COL21A1: variants seen among roughly 807,000 people sequenced by gnomAD.
The protein encoded by COL21A1 is collagen type XXI alpha 1 chain.
COL21A1 carries 149 observed loss-of-function variants against 137.9 expected under a neutral mutation model. The ratio of observed to expected loss-of-function variants is 1.08; its 90% CI spans 0.95 to 1.24. The LOEUF (loss-of-function observed/expected upper bound fraction) is 1.24, where lower values mean the gene tolerates loss of function less well. Ranked by LOEUF, COL21A1 falls within the 50% of genes most tolerant of loss-of-function variation. The pLI is 0.00. For synonymous variants in COL21A1, 456 were observed against 391.5 expected (o/e 1.16, Z -1.95); for missense variants, 1,167 against 1,158.4 (o/e 1.01, Z -0.11).
At chr6:56,164,863 T>C (rs746297431) in intron 7 of COL21A1, 41 bp from the exon 8 acceptor site, 9 of 1,355,242 alleles carry the variant, frequency 6.6e-6, no homozygotes, top group Admixed American at 2.2e-5. Context: ...ATGTTTTAAA[T>C]AAAATTTATA....
chr6:56,134,245 A>G (rs546688444), intron 12 of COL21A1, among the ~76,000 whole-genome samples: 37 of 152,290 alleles, frequency 2.4e-4, no homozygotes, highest in African/African-American at 8.7e-4. Context: ...ACCTGGATGT[A>G]AGACATGGAG....
chr6:56,149,263 G>A (rs569107748), intron 10 of COL21A1, among the ~76,000 whole-genome samples: 3 of 152,162 alleles, frequency 2.0e-5, no homozygotes, highest in East Asian at 3.9e-4. Flanking sequence ...TAACATACAC[G>A]AGTAGCTAAT....
intron 1 of COL21A1, among the ~76,000 whole-genome samples, chr6:56,279,981 T>C (rs1763754492): frequency 6.6e-6 from 1 of 152,124 alleles, no homozygotes; most frequent in Non-Finnish European, 1.5e-5. Context: ...TTTACCCTCC[T>C]CTTCCTCACT....
intron 12 of COL21A1, among the ~76,000 whole-genome samples, chr6:56,127,196 T>C (rs2840989): frequency 0.77 from 117,354 of 152,108 alleles, 46,242 homozygotes; most frequent in African/African-American, 0.93. Flanking sequence ...ATCCCCTTAA[T>C]CCTCAATTAC....
At chr6:56,202,103 A>T (rs1779447669) in intron 1 of COL21A1, among the ~76,000 whole-genome samples, 1 of 152,130 alleles carries the variant, frequency 6.6e-6, no homozygotes. Flanking sequence ...CAGATGAAAG[A>T]TTAAACTATC....
intron 16 of COL21A1, among the ~76,000 whole-genome samples, chr6:56,116,592 T>C (rs1771952253): frequency 6.6e-6 from 1 of 151,818 alleles, no homozygotes; most frequent in African/African-American, 2.4e-5. Context: ...TAATGAGCTA[T>C]AAATAATCAC....
intron 1 of COL21A1, among the ~76,000 whole-genome samples, chr6:56,383,601 G>A (rs1363953252): frequency 6.6e-6 from 1 of 152,298 alleles, no homozygotes; most frequent in East Asian, 1.9e-4. Context: ...GATAAGGAAA[G>A]AAAAGGCCTG....
intron 12 of COL21A1, among the ~76,000 whole-genome samples, chr6:56,130,334 G>A (rs966036661): frequency 6.6e-6 from 1 of 151,084 alleles, no homozygotes; most frequent in Non-Finnish European, 1.5e-5. Flanking sequence ...TTCTGAGAGA[G>A]AGAAAGAGGA....
intron 18 of COL21A1, among the ~76,000 whole-genome samples, chr6:56,075,936 C>T (rs574098785): frequency 2.0e-5 from 3 of 151,526 alleles, no homozygotes; most frequent in South Asian, 2.1e-4. Flanking sequence ...TCCAGGGATG[C>T]GGCTGACTAG....
intron 1 of COL21A1, among the ~76,000 whole-genome samples, chr6:56,346,437 C>T (rs12110836): frequency 0.12 from 18,730 of 152,180 alleles, 1,481 homozygotes; most frequent in African/African-American, 0.23. Flanking sequence ...TTTTTTACTA[C>T]TGAATATCAT....
At chr6:56,213,770 T>C (rs1475644201) in intron 1 of COL21A1, among the ~76,000 whole-genome samples, 1 of 152,064 alleles carries the variant, frequency 6.6e-6, no homozygotes, top group Non-Finnish European at 1.5e-5. Flanking sequence ...AGATCCATCA[T>C]TTATTCAATA....
intron 12 of COL21A1, among the ~76,000 whole-genome samples, chr6:56,133,270 TG>T (rs997799723): frequency 6.6e-6 from 1 of 152,178 alleles, no homozygotes; most frequent in African/African-American, 2.4e-5. Context: ...AGAAACTTGT[TG>T]GGAACTGGAG....
intron 1 of COL21A1, among the ~76,000 whole-genome samples, chr6:56,253,281 T>C (rs1782897118): frequency 6.6e-6 from 1 of 152,178 alleles, no homozygotes; most frequent in African/African-American, 2.4e-5. Context: ...TAGTAGTCCT[T>C]GATTTTGGTT....
intron 3 of COL21A1, among the ~76,000 whole-genome samples, chr6:56,172,127 C>A (rs1777116767): frequency 6.7e-6 from 1 of 150,120 alleles, no homozygotes; most frequent in African/African-American, 2.4e-5. Flanking sequence ...AGAGATGAGG[C>A]CAACAACTTC....
At chr6:56,361,008 C>A (rs540709532) in intron 1 of COL21A1, among the ~76,000 whole-genome samples, 1 of 152,104 alleles carries the variant, frequency 6.6e-6, no homozygotes, top group East Asian at 1.9e-4. Context: ...GGCTGAGAAT[C>A]GCTCAAACCT....
At chr6:56,209,797 A>T (rs1780040060) in intron 1 of COL21A1, among the ~76,000 whole-genome samples, 1 of 152,188 alleles carries the variant, frequency 6.6e-6, no homozygotes, top group Non-Finnish European at 1.5e-5. Flanking sequence ...AAGGATTATA[A>T]ATCATTCTAC....
intron 7 of COL21A1, among the ~76,000 whole-genome samples, chr6:56,166,213 AT>A (rs1776570589): frequency 6.6e-6 from 1 of 151,534 alleles, no homozygotes; most frequent in Non-Finnish European, 1.5e-5. Context: ...ACATTATTAT[AT>A]TGTTATATTA....
intron 1 of COL21A1, among the ~76,000 whole-genome samples, chr6:56,339,566 TTC>T (rs35073961): frequency 0.64 from 97,802 of 151,862 alleles, 31,862 homozygotes; most frequent in South Asian, 0.81. Flanking sequence ...ATCTTTGGTT[TTC>T]TCTCTGTTAG....
Position 56,312,846 on chromosome 6 carries a change from C to T in COL21A1, c.-39+81125G>A, listed in dbSNP as rs531284396. On this transcript the variant is annotated intron_variant, in intron 1 of 28. Coordinates refer to the COL21A1 transcript ENST00000370819. ...TGAGGTACATACAGAGGAAATGGTG[C>T]CCTTGAGGGGAAAAGGAGGGAAGGA... 5.9e-5 allele frequency among the ~76,000 whole-genome samples: 9 copies of T among 151,978 alleles called. No homozygotes were observed. The South Asian group carries it at 1.9e-3, about 32-fold the overall frequency.
Sources: allele counts gnomAD v4.1 joint callset (sites outside exome capture counted in the v4.1 genomes callset), GRCh38; gene constraint gnomAD v4.1.1; transcripts MANE v1.5; gene names NCBI Gene and HGNC (gene_info 2026-07-23, HGNC 2026-07-21).